GNG4: variants seen among roughly 807,000 people sequenced by gnomAD.
GNG4 encodes G protein subunit gamma 4, also known as guanine nucleotide-binding protein G(I)/G(S)/G(O) subunit gamma-4.
GNG4 carries 4 observed loss-of-function variants against 5.8 expected under a neutral mutation model. That is an observed-to-expected ratio of 0.69 (90% CI 0.34 to 1.57). The LOEUF (loss-of-function observed/expected upper bound fraction) is 1.57. GNG4 is among the 40% of genes most tolerant of loss of function. GNG4 has a pLI of 0.06. For synonymous variants in GNG4, 29 were observed against 32.9 expected (o/e 0.88, Z 0.41); for missense variants, 96 against 95.1 (o/e 1.01, Z -0.04).
intron 2 of GNG4, among the ~76,000 whole-genome samples, chr1:235,585,665 C>T (rs1687743164): frequency 6.6e-6 from 1 of 152,110 alleles, no homozygotes; most frequent in African/African-American, 2.4e-5. Flanking sequence ...TGTGGATATA[C>T]TGTATATTTT....
intron 3 of GNG4, among the ~76,000 whole-genome samples, chr1:235,577,608 G>A (rs1430349277): frequency 6.6e-6 from 1 of 152,032 alleles, no homozygotes; most frequent in Non-Finnish European, 1.5e-5. Context: ...GCCCGGCTAA[G>A]TTTTCTATTT....
chr1:235,610,523 G>T (rs989806152), intron 1 of GNG4, among the ~76,000 whole-genome samples: 1 of 152,020 alleles, frequency 6.6e-6, no homozygotes, highest in African/African-American at 2.4e-5. Flanking sequence ...AGGCACTCAG[G>T]GTTTTCTGTT....
chr1:235,617,202 G>A (rs1278976311), intron 1 of GNG4, among the ~76,000 whole-genome samples: 1 of 152,182 alleles, frequency 6.6e-6, no homozygotes, highest in Non-Finnish European at 1.5e-5. Flanking sequence ...TTTGAAACAG[G>A]TTCACCTCTT....
chr1:235,588,844 A>C (rs1687892250), intron 2 of GNG4: 1 of 150,566 alleles, frequency 6.6e-6, no homozygotes, highest in African/African-American at 2.5e-5. Flanking sequence ...CACCTACTCC[A>C]CTCCACACCC....
chr1:235,624,745 G>A (rs978794605), intron 1 of GNG4, among the ~76,000 whole-genome samples: 1 of 152,026 alleles, frequency 6.6e-6, no homozygotes, highest in East Asian at 1.9e-4. Flanking sequence ...TTTTTTTAGC[G>A]CTAAGACAGA....
intron 1 of GNG4, among the ~76,000 whole-genome samples, chr1:235,620,697 A>G (rs1009375664): frequency 2.8e-4 from 42 of 152,056 alleles, no homozygotes; most frequent in African/African-American, 1.0e-3. Flanking sequence ...CACCACGCCC[A>G]GCTAAGTTTT....
intron 3 of GNG4, among the ~76,000 whole-genome samples, chr1:235,573,677 C>T (rs533409099): frequency 3.2e-4 from 49 of 151,690 alleles, no homozygotes; most frequent in African/African-American, 8.2e-4. Context: ...CTCAGGAGGC[C>T]GAGGCAGGAG....
chr1:235,570,779 T>A (rs1687315115), intron 3 of GNG4, among the ~76,000 whole-genome samples: 1 of 151,832 alleles, frequency 6.6e-6, no homozygotes, highest in East Asian at 1.9e-4. Context: ...CTCTGCAACC[T>A]CAACCTCCCA....
chr1:235,600,181 C>A (rs1688228907), intron 1 of GNG4, among the ~76,000 whole-genome samples: 1 of 134,812 alleles, frequency 7.4e-6, no homozygotes, highest in Admixed American at 8.5e-5. Context: ...GTGGCACGAT[C>A]TTGGCACACC....
In GNG4 at chr1:235,552,106, G is replaced by A. The variant is rs1686765277; in HGVS notation, c.*3C>T. On this transcript the variant is annotated 3_prime_UTR_variant, in exon 4 of 4. Coordinates refer to ENST00000391854, the MANE Select transcript of GNG4 (RefSeq NM_001098722.2). ...AAAGGAGGCGTTTTCATCACACACG[G>A]AGTTAGAGAATGGTACAAAAGAACT... 2.5e-6 allele frequency: 4 copies of A among 1,613,472 alleles called. No individual in the cohort carries two copies. The highest frequency in any genetic ancestry group is 3.4e-6 in the Non-Finnish European group (4 of 1,179,644).
intron 3 of GNG4, among the ~76,000 whole-genome samples, chr1:235,562,092 C>T (rs1687077829): frequency 6.6e-6 from 1 of 152,174 alleles, no homozygotes; most frequent in Admixed American, 6.5e-5. Context: ...TGGCTTTGCA[C>T]CTTTGTCAAA....
intron 1 of GNG4, among the ~76,000 whole-genome samples, chr1:235,636,580 T>C (rs1343849996): frequency 6.6e-6 from 1 of 152,136 alleles, no homozygotes; most frequent in Non-Finnish European, 1.5e-5. Flanking sequence ...ATCAGAGACC[T>C]GCGTATCTCC....
chr1:235,629,185 T>A (rs1688885630), intron 1 of GNG4, among the ~76,000 whole-genome samples: 1 of 150,100 alleles, frequency 6.7e-6, no homozygotes, highest in Non-Finnish European at 1.5e-5. Context: ...GCCCCGCCAA[T>A]TAAAAAAAAA....
intron 1 of GNG4, among the ~76,000 whole-genome samples, chr1:235,632,087 CTTCT>C (rs1688943219): frequency 6.6e-6 from 1 of 152,026 alleles, no homozygotes; most frequent in African/African-American, 2.4e-5. Context: ...CATGTTTTTC[CTTCT>C]TTCTTTTTTT....
At chr1:235,594,580 G>A (rs957526954) in intron 2 of GNG4, among the ~76,000 whole-genome samples, 7 of 152,204 alleles carry the variant, frequency 4.6e-5, no homozygotes, top group African/African-American at 7.2e-5. Flanking sequence ...TGCCCCGCAG[G>A]GAGGCAGCTA....
At chr1:235,565,401 G>A (rs963263112) in intron 3 of GNG4, among the ~76,000 whole-genome samples, 7 of 152,200 alleles carry the variant, frequency 4.6e-5, no homozygotes, top group African/African-American at 1.7e-4. Flanking sequence ...CTACTCAGGA[G>A]GCTGATGCAG....
chr1:235,588,865 T>C (rs1261147721), intron 2 of GNG4: 1 of 152,624 alleles, frequency 6.6e-6, no homozygotes. Context: ...ACATCCATCC[T>C]TGCCTCCACT....
chr1:235,596,676 C>T (rs1046703388), intron 1 of GNG4, among the ~76,000 whole-genome samples: 3 of 152,140 alleles, frequency 2.0e-5, no homozygotes, highest in Non-Finnish European at 2.9e-5. Flanking sequence ...TTGATTTCAA[C>T]CAAAGGACAT....
At chr1:235,625,017 T>C (rs1403136401) in intron 1 of GNG4, among the ~76,000 whole-genome samples, 1 of 152,078 alleles carries the variant, frequency 6.6e-6, no homozygotes, top group Non-Finnish European at 1.5e-5. Context: ...GAGGTGCTGG[T>C]GGATGCGGGC....
Sources: allele counts gnomAD v4.1 joint callset (sites outside exome capture counted in the v4.1 genomes callset), GRCh38; gene constraint gnomAD v4.1.1; transcripts MANE v1.5; gene names NCBI Gene and HGNC (gene_info 2026-07-23, HGNC 2026-07-21).